Variants in COLGALT2 observed in about 807,000 individuals in gnomAD.
COLGALT2 encodes the protein procollagen galactosyltransferase 2.
COLGALT2 carries 49 observed loss-of-function variants against 73.4 expected under a neutral mutation model. That is an observed-to-expected ratio of 0.67 (90% CI 0.53 to 0.85). The LOEUF is 0.85. Among genes scored for constraint, COLGALT2 ranks in the 40% least tolerant of loss-of-function variants. COLGALT2 has a pLI of 0.00. For synonymous variants in COLGALT2, 295 were observed against 307.6 expected, an observed-to-expected ratio of 0.96 and a Z score of 0.43; for missense variants, 722 against 790.2, an observed-to-expected ratio of 0.91 and a Z score of 1.03.
chr1:183,993,933 G>A (rs1241287404), intron 1 of COLGALT2, among the ~76,000 whole-genome samples: 1 of 149,718 alleles, frequency 6.7e-6, no homozygotes, highest in Non-Finnish European at 1.5e-5. Context: ...GGACTGTTAT[G>A]TGTATGAAGA....
intron 1 of COLGALT2, among the ~76,000 whole-genome samples, chr1:184,010,606 C>A (rs190164467): frequency 3.3e-4 from 50 of 152,246 alleles, no homozygotes; most frequent in Admixed American, 5.9e-4. Context: ...TCTGTCCTCT[C>A]AAAGAATGAG....
rs1333290337 is a variant in COLGALT2 at position 184,037,330 on chromosome 1, C to T, written c.28G>A (p.Ala10Thr). 6.7e-7 allele frequency: 1 copy of T among 1,495,804 alleles called. No homozygotes were observed. The highest frequency in any genetic ancestry group is 8.9e-7 in the Non-Finnish European group (1 of 1,122,314). 92.7% of individuals were successfully genotyped at this position (1,495,804 alleles called of 1,614,324 possible). A position where few individuals can be genotyped will look rare whatever the true frequency, so the allele number is the denominator to read the frequency against. The change falls in exon 1 of 12, where the codon GCC becomes ACC. Residue 10 changes from alanine to threonine, a missense_variant. Transcript: ENST00000361927. MAARPAATL[A>T]WSLLLLSSAL... ...GAGGAGAGGAGCAGTAGCGACCAGG[C>T]GAGGGTGGCAGCAGGGCGCGCAGCC...
At chr1:184,032,705 T>C (rs1242725179) in intron 1 of COLGALT2, among the ~76,000 whole-genome samples, 3 of 152,220 alleles carry the variant, frequency 2.0e-5, no homozygotes, top group Non-Finnish European at 2.9e-5. Flanking sequence ...AGGGATAACA[T>C]ACAACATTTA....
At chr1:183,961,615 C>T (rs2182625) in intron 6 of COLGALT2, among the ~76,000 whole-genome samples, 24,863 of 152,156 alleles carry the variant, frequency 0.16, 2,270 homozygotes, top group East Asian at 0.4. Flanking sequence ...AACTGAAGTC[C>T]TGAAATCTGA....
At chr1:184,033,954 A>C (rs1649591513) in intron 1 of COLGALT2, among the ~76,000 whole-genome samples, 1 of 152,240 alleles carries the variant, frequency 6.6e-6, no homozygotes, top group Non-Finnish European at 1.5e-5. Context: ...CATTTTTGAC[A>C]TCAGCATGTG....
chr1:183,983,401 C>T (rs1572656374), intron 1 of COLGALT2, among the ~76,000 whole-genome samples: 1 of 152,234 alleles, frequency 6.6e-6, no homozygotes, highest in Non-Finnish European at 1.5e-5. Flanking sequence ...TCCAGGCAGA[C>T]ACTTCTAACT....
intron 10 of COLGALT2, among the ~76,000 whole-genome samples, chr1:183,941,259 G>A (rs1340529214): frequency 6.6e-6 from 1 of 152,194 alleles, no homozygotes. Flanking sequence ...TAAGCTGGGG[G>A]AAAGAGTCAG....
chr1:183,961,754 G>C (rs530170925), intron 6 of COLGALT2, among the ~76,000 whole-genome samples: 18 of 151,960 alleles, frequency 1.2e-4, no homozygotes, highest in Middle Eastern at 3.4e-3. Flanking sequence ...GATTTTTTTT[G>C]GTAACAACTA....
intron 1 of COLGALT2, among the ~76,000 whole-genome samples, chr1:184,005,575 C>A (rs1375038612): frequency 6.6e-6 from 1 of 152,160 alleles, no homozygotes; most frequent in Non-Finnish European, 1.5e-5. Flanking sequence ...GCCCTTCCTG[C>A]CTGGAACTCT....
chr1:183,934,279 T>C (rs543308559), downstream of COLGALT2, among the ~76,000 whole-genome samples: 4 of 152,322 alleles, frequency 2.6e-5, no homozygotes, highest in South Asian at 8.3e-4. Context: ...AAATCTACCA[T>C]CATTACTTCT....
At chr1:184,010,456 T>C (rs1178090248) in intron 1 of COLGALT2, among the ~76,000 whole-genome samples, 3 of 152,232 alleles carry the variant, frequency 2.0e-5, no homozygotes, top group Non-Finnish European at 4.4e-5. Flanking sequence ...AATCATCAAA[T>C]GTCTCCAAAT....
Position 183,973,710 on chromosome 1 carries a change from A to C in COLGALT2, c.533T>G (p.Leu178Arg), listed in dbSNP as rs902768179. The C allele has an allele frequency of 1.2e-6, 2 of 1,613,894 alleles. No individual in the cohort carries two copies. The highest frequency in any genetic ancestry group is 1.7e-6 in the Non-Finnish European group (2 of 1,179,858). The change falls in exon 4 of 12, where the codon CTC (leucine) becomes CGC (arginine). Residue 178 changes from leucine (L) to arginine (R), a missense_variant. Coordinates refer to ENST00000361927, the MANE Select transcript of COLGALT2 (RefSeq NM_015101.4). ...TTTGTTTTCTGCAATCAGTAGATTG[A>C]GGGTCTGTGGATTAGTCAGGAAATT... ...VDNFLTNPQT[L>R]NLLIAENKTI...
chr1:183,977,812 A>AAGAGAGAGAGAGAGAGAGAGAGAGAG (rs59481089), intron 2 of COLGALT2, among the ~76,000 whole-genome samples: 119 of 52,404 alleles, frequency 2.3e-3, no homozygotes, highest in South Asian at 5.4e-3. Context: ...GAAAGAGAGA[A>AAGAGAGAGAGAGAGAGAGAGAGAGAG]AGAGAGAGAG....
intron 7 of COLGALT2, among the ~76,000 whole-genome samples, chr1:183,952,928 T>C (rs1343458243): frequency 2.0e-5 from 3 of 152,098 alleles, no homozygotes; most frequent in Admixed American, 6.5e-5. Flanking sequence ...TTTCCAGATA[T>C]GGAAAGGAAA....
At position 183,938,106 on chromosome 1, in the gene COLGALT2, C is replaced by G; in HGVS notation, c.*655G>C. 1 of 985,668 alleles carries G rather than the reference C, an allele frequency of 1.0e-6. No individual in the cohort carries two copies. The highest frequency in any genetic ancestry group is 1.2e-6 in the Non-Finnish European group (1 of 830,168). The allele number at this position is 985,668 out of a possible 1,614,324, so 61.1% of individuals were successfully genotyped here. A position where few individuals can be genotyped will look rare whatever the true frequency, so the allele number is the denominator to read the frequency against. On this transcript the variant is annotated 3_prime_UTR_variant, in exon 12 of 12. Coordinates refer to ENST00000361927, the MANE Select transcript of COLGALT2 (RefSeq NM_015101.4). ...TATATCCACATGGCAAACTGGTCAC[C>G]TCTATATGAGAACTCCAACTGCCAT...
At chr1:183,993,883 T>A (rs1025003331) in intron 1 of COLGALT2, among the ~76,000 whole-genome samples, 1 of 152,160 alleles carries the variant, frequency 6.6e-6, no homozygotes, top group Non-Finnish European at 1.5e-5. Context: ...GACCCAAGTT[T>A]CTTCAGCAGA....
chr1:183,963,938 G>A lies in COLGALT2; in HGVS notation c.915C>T (p.Asp305=). 6.2e-7 allele frequency: 1 copy of A among 1,611,596 alleles called. No homozygotes were observed. ...TCTGCACATGGATGAGGTTCTCGAT[G>A]TCTTCCTGCAGTGTCTGATGGGGCT... ...PLKPHQTLQE[D]IENLIHVQIE... The change falls in exon 6 of 12, where the codon GAC becomes GAT. Residue 305 remains aspartate, a synonymous_variant. Coordinates refer to ENST00000361927, the MANE Select transcript of COLGALT2 (RefSeq NM_015101.4).
At chr1:184,030,877 T>C (rs1649492477) in intron 1 of COLGALT2, among the ~76,000 whole-genome samples, 1 of 152,200 alleles carries the variant, frequency 6.6e-6, no homozygotes, top group African/African-American at 2.4e-5. Context: ...ATCAGTTATC[T>C]CATTCCATAA....
chr1:183,969,495 G>A (rs781706051), intron 4 of COLGALT2, 22 bp from the exon 5 acceptor site: 2 of 1,577,406 alleles, frequency 1.3e-6, no homozygotes, highest in Admixed American at 3.6e-5. Flanking sequence ...CAAATAGGTG[G>A]GTTGTGTTTT....
Sources: allele counts gnomAD v4.1 joint callset (sites outside exome capture counted in the v4.1 genomes callset), GRCh38; gene constraint gnomAD v4.1.1; transcripts MANE v1.5; gene names NCBI Gene and HGNC (gene_info 2026-07-23, HGNC 2026-07-21).